The following TLE4 variants were observed in gnomAD, a reference collection of about 807,000 sequenced individuals.
TLE4 encodes transducin-like enhancer protein 4.
A neutral mutation model predicts 92.8 loss-of-function variants in TLE4; 8 were observed. That is an observed-to-expected ratio of 0.09 (90% confidence interval 0.05 to 0.16). TLE4 has a LOEUF of 0.16. Among genes scored for constraint, TLE4 ranks in the 10% least tolerant of loss-of-function variants. TLE4 has a pLI of 1.00. For synonymous variants in TLE4, 371 were observed against 374.1 expected (o/e 0.99, Z 0.10); for missense variants, 675 against 997.6 (o/e 0.68, Z 4.36).
chr9:79,646,164 G>A (rs1440017502), intron 6 of TLE4, among the ~76,000 whole-genome samples: 2 of 151,786 alleles, frequency 1.3e-5, no homozygotes, highest in Admixed American at 6.6e-5. Flanking sequence ...TACTCTTAAT[G>A]TACATTTCCC....
chr9:79,580,327 A>G (rs2039294004), intron 4 of TLE4: 1 of 152,264 alleles, frequency 6.6e-6, no homozygotes, highest in Non-Finnish European at 1.5e-5. Context: ...ATGTGTAAAT[A>G]AGTGAAATCA....
intron 8 of TLE4, among the ~76,000 whole-genome samples, chr9:79,682,704 T>C (rs1347865601): frequency 6.6e-6 from 1 of 152,176 alleles, no homozygotes; most frequent in Non-Finnish European, 1.5e-5. Context: ...CAAGTAACAA[T>C]TTAGGACCTT....
At position 79,705,949 on chromosome 9, in the gene TLE4, T is replaced by A; in HGVS notation, c.783+7T>A. 1 of 1,614,128 alleles carries A rather than the reference T, an allele frequency of 6.2e-7. No homozygotes were observed. Among genetic ancestry groups the A allele is most frequent in the Non-Finnish European group, 8.5e-7 (1 of 1,179,962 alleles). On this transcript the variant is annotated splice_region_variant and intron_variant, in intron 10 of 19. Transcript: ENST00000376552. ...GGTTGACGTTTCCAATGAGGTATGT[T>A]TGTGGCTACTTTAATTTTTTGCACT... is the stretch of plus-strand genomic sequence containing the variant.
chr9:79,589,125 C>T (rs889268438), intron 4 of TLE4, among the ~76,000 whole-genome samples: 2 of 152,102 alleles, frequency 1.3e-5, no homozygotes, highest in Non-Finnish European at 2.9e-5. Context: ...TTCAGTAGTG[C>T]CAACACTCAG....
At chr9:79,629,022 A>G (rs2133599368) in intron 6 of TLE4, among the ~76,000 whole-genome samples, 1 of 152,148 alleles carries the variant, frequency 6.6e-6, no homozygotes, top group South Asian at 2.1e-4. Context: ...GATAGAACCT[A>G]CATTTCTCTA....
At chr9:79,593,408 C>T (rs919962795) in intron 4 of TLE4, among the ~76,000 whole-genome samples, 3 of 152,092 alleles carry the variant, frequency 2.0e-5, no homozygotes, top group Non-Finnish European at 4.4e-5. Flanking sequence ...ACATAATCAT[C>T]AGCAAGCAAA....
chr9:79,682,447 G>C (rs561611176), intron 8 of TLE4, among the ~76,000 whole-genome samples: 58 of 152,202 alleles, frequency 3.8e-4, no homozygotes, highest in Non-Finnish European at 6.9e-4. Flanking sequence ...GAACTTGTGT[G>C]CTTACCTTAT....
chr9:79,726,553 A>G lies in TLE4; in HGVS notation c.*1409A>G, dbSNP rs1417273009. The G allele has an allele frequency of 6.9e-6, 1 of 145,468 alleles. No individual in the cohort carries two copies. Among genetic ancestry groups the G allele is most frequent in the Non-Finnish European group, 1.5e-5 (1 of 65,736 alleles). The allele number at this position is 145,468 out of a possible 1,614,324, so 9.0% of individuals were successfully genotyped here. On this transcript the variant is annotated 3_prime_UTR_variant, in exon 20 of 20. Coordinates refer to ENST00000376552, the MANE Select transcript of TLE4 (RefSeq NM_007005.6). ...CTAATGTGGTAGCAGAAAAAAAAAA[A>G]TGGTGTCTTAAGTGCTTAGTGTTTG... is the stretch of plus-strand genomic sequence containing the variant.
chr9:79,619,480 G>C (rs7029276), intron 5 of TLE4, among the ~76,000 whole-genome samples: 4 of 152,274 alleles, frequency 2.6e-5, no homozygotes, highest in South Asian at 4.1e-4. Flanking sequence ...ACTGGTGGAA[G>C]TGTTATCGCC....
At chr9:79,664,190 C>T (rs1210910120) in intron 8 of TLE4, among the ~76,000 whole-genome samples, 1 of 152,306 alleles carries the variant, frequency 6.6e-6, no homozygotes, top group South Asian at 2.1e-4. Context: ...AGATTTATCC[C>T]GGCAGTGCAT....
At chr9:79,647,329 T>G (rs975098354) in intron 6 of TLE4, among the ~76,000 whole-genome samples, 2 of 152,170 alleles carry the variant, frequency 1.3e-5, no homozygotes, top group African/African-American at 4.8e-5. Flanking sequence ...TTGAGTTCAT[T>G]AATTAGTTCA....
At chr9:79,671,012 T>C (rs553136543) in intron 8 of TLE4, among the ~76,000 whole-genome samples, 8 of 151,898 alleles carry the variant, frequency 5.3e-5, no homozygotes, top group Non-Finnish European at 1.2e-4. Context: ...AGGAGCAAAC[T>C]AGAAGTGTGC....
chr9:79,617,753 A>G (rs1469313474), intron 5 of TLE4, among the ~76,000 whole-genome samples: 1 of 151,736 alleles, frequency 6.6e-6, no homozygotes, highest in Non-Finnish European at 1.5e-5. Context: ...TTTTTATATG[A>G]GGATTCGTGA....
intron 6 of TLE4, among the ~76,000 whole-genome samples, chr9:79,644,342 T>C (rs986186845): frequency 6.6e-6 from 1 of 152,126 alleles, no homozygotes; most frequent in Non-Finnish European, 1.5e-5. Context: ...CTCTTTCCTT[T>C]ATAAATTACC....
At chr9:79,585,434 C>A (rs1377021561) in intron 4 of TLE4, among the ~76,000 whole-genome samples, 1 of 152,222 alleles carries the variant, frequency 6.6e-6, no homozygotes, top group African/African-American at 2.4e-5. Flanking sequence ...CATCAGCATA[C>A]TTACTACCTT....
chr9:79,574,098 G>T (rs1262659447), intron 2 of TLE4: 3 of 203,312 alleles, frequency 1.5e-5, no homozygotes, highest in Non-Finnish European at 2.9e-5. Context: ...AAGATTCTGG[G>T]GCCTTTTGAC....
At chr9:79,671,995 CTTTTTTTT>C (rs773064446) in intron 8 of TLE4, among the ~76,000 whole-genome samples, 593 of 33,614 alleles carry the variant, frequency 0.018, 2 homozygotes, top group Non-Finnish European at 0.025. Context: ...AAACAAAACA[CTTTTTTTT>C]TTTTTTTTTT....
At chr9:79,686,117 G>A (rs555722976) in intron 8 of TLE4, among the ~76,000 whole-genome samples, 83 of 152,242 alleles carry the variant, frequency 5.5e-4, no homozygotes, top group Admixed American at 2.0e-3. Context: ...ATATACAGGA[G>A]GATGTGTCTA....
At chr9:79,616,358 T>C (rs1441990943) in intron 5 of TLE4, among the ~76,000 whole-genome samples, 3 of 152,176 alleles carry the variant, frequency 2.0e-5, no homozygotes, top group Non-Finnish European at 4.4e-5. Flanking sequence ...ACACATCCAA[T>C]GTCTGTGAAG....
Sources: gnomAD v4.1 joint callset for allele counts (sites outside exome capture counted in the v4.1 genomes callset) on GRCh38, gnomAD v4.1.1 for gene constraint, MANE v1.5 for transcripts, NCBI Gene and HGNC (gene_info 2026-07-23, HGNC 2026-07-21) for gene names.